RALYL: variants seen among roughly 807,000 people sequenced by gnomAD.
RALYL encodes the protein RALY RNA binding protein like.
In RALYL, 29 loss-of-function variants were observed where a neutral mutation model predicts 35.1. The ratio of observed to expected loss-of-function variants is 0.83; its 90% CI spans 0.61 to 1.13. The LOEUF (loss-of-function observed/expected upper bound fraction) is 1.13. RALYL is among the 50% of genes most tolerant of loss of function. RALYL has a pLI of 0.00. For synonymous variants in RALYL, 120 were observed against 127.6 expected, an observed-to-expected ratio of 0.94 and a Z score of 0.40; for missense variants, 359 against 360.4, an observed-to-expected ratio of 1.00 and a Z score of 0.03.
chr8:84,533,983 G>C (rs368533694), intron 2 of RALYL, among the ~76,000 whole-genome samples: 6 of 152,336 alleles, frequency 3.9e-5, no homozygotes, highest in African/African-American at 1.4e-4. Context: ...CATCCAGAGT[G>C]ATCTTTTCAA....
chr8:84,776,949 A>T (rs1816976074), intron 3 of RALYL, among the ~76,000 whole-genome samples: 1 of 152,236 alleles, frequency 6.6e-6, no homozygotes, highest in African/African-American at 2.4e-5. Flanking sequence ...TGAAATTGCA[A>T]AACAGTAATA....
intron 1 of RALYL, among the ~76,000 whole-genome samples, chr8:84,235,545 G>A (rs1198634479): frequency 6.6e-6 from 1 of 152,174 alleles, no homozygotes; most frequent in Admixed American, 6.5e-5. Context: ...TGTCCTGCAA[G>A]ATTTTGATGT....
intron 5 of RALYL, among the ~76,000 whole-genome samples, chr8:84,856,512 C>T (rs1449449534): frequency 6.6e-6 from 1 of 152,078 alleles, no homozygotes; most frequent in African/African-American, 2.4e-5. Flanking sequence ...CCGTGTGATC[C>T]AAGGAGAAAA....
At position 84,449,077 on chromosome 8, in the gene RALYL, T is replaced by G. The variant is rs1056375370; in HGVS notation, c.-23-80222T>G. Among the ~76,000 whole-genome samples, 98 of 148,032 alleles carry G rather than the reference T, an allele frequency of 6.6e-4. 2 individuals carry two copies. The highest frequency in any genetic ancestry group is 3.7e-3 in the Admixed American group (55 of 14,876). On this transcript the variant is annotated intron_variant, in intron 1 of 8. Coordinates refer to ENST00000521268, the MANE Select transcript of RALYL (RefSeq NM_173848.7). ...GGGCTTTGTTAGCTGTTAGTTTTTT[T>G]GTTTTTTTTTTTTTTTTGCTGGTGT...
At chr8:84,583,124 CT>C (rs1209743215) in intron 2 of RALYL, among the ~76,000 whole-genome samples, 1 of 152,066 alleles carries the variant, frequency 6.6e-6, no homozygotes. Flanking sequence ...ACAACATTTT[CT>C]TTAACTTCTG....
At chr8:84,424,036 G>A (rs1293549167) in intron 1 of RALYL, among the ~76,000 whole-genome samples, 3 of 151,876 alleles carry the variant, frequency 2.0e-5, no homozygotes, top group Admixed American at 2.0e-4. Context: ...TCTTGGAGTT[G>A]CTCTTCTTGA....
intron 1 of RALYL, among the ~76,000 whole-genome samples, chr8:84,369,228 T>C (rs912423241): frequency 3.3e-5 from 5 of 152,152 alleles, no homozygotes; most frequent in African/African-American, 1.2e-4. Context: ...GTGCTCACAC[T>C]GTCCTCTTGA....
intron 1 of RALYL, among the ~76,000 whole-genome samples, chr8:84,328,196 C>T (rs932018485): frequency 6.6e-6 from 1 of 152,202 alleles, no homozygotes; most frequent in Non-Finnish European, 1.5e-5. Context: ...GCCATGACAA[C>T]TACTGAACAA....
At chr8:84,446,512 C>G (rs1269599008) in intron 1 of RALYL, among the ~76,000 whole-genome samples, 1 of 151,998 alleles carries the variant, frequency 6.6e-6, no homozygotes, top group Non-Finnish European at 1.5e-5. Flanking sequence ...CATGGACCAT[C>G]TGTATGGGAT....
intron 1 of RALYL, among the ~76,000 whole-genome samples, chr8:84,497,624 T>TTTGTTG (rs1371081472): frequency 6.7e-6 from 1 of 149,810 alleles, no homozygotes; most frequent in African/African-American, 2.5e-5. Context: ...TTTTGTTTTT[T>TTTGTTG]TTGTTGTTTT....
intron 2 of RALYL, among the ~76,000 whole-genome samples, chr8:84,593,893 G>T (rs1303031072): frequency 1.3e-5 from 2 of 152,120 alleles, no homozygotes; most frequent in African/African-American, 2.4e-5. Flanking sequence ...TATATGCACT[G>T]CCCTTCCTCA....
chr8:84,409,805 AC>A (rs2043925317), intron 1 of RALYL, among the ~76,000 whole-genome samples: 1 of 152,014 alleles, frequency 6.6e-6, no homozygotes, highest in Non-Finnish European at 1.5e-5. Context: ...GCACAAATCC[AC>A]TTTTTCTAAA....
intron 1 of RALYL, among the ~76,000 whole-genome samples, chr8:84,512,055 C>T (rs1339262658): frequency 1.3e-5 from 2 of 152,080 alleles, no homozygotes; most frequent in Non-Finnish European, 2.9e-5. Context: ...TCTATAAATA[C>T]CTACTAGTGA....
intron 2 of RALYL, among the ~76,000 whole-genome samples, chr8:84,767,634 A>G (rs1814434428): frequency 6.6e-6 from 1 of 152,154 alleles, no homozygotes; most frequent in African/African-American, 2.4e-5. Context: ...CCACAGGTAG[A>G]GTTCTCTTAA....
intron 2 of RALYL, among the ~76,000 whole-genome samples, chr8:84,619,395 A>T (rs1393564149): frequency 6.7e-6 from 1 of 148,756 alleles, no homozygotes; most frequent in East Asian, 2.0e-4. Context: ...AGTCTGTTTT[A>T]TCAGAGACTA....
At chr8:84,283,214 T>C (rs1310103256) in intron 1 of RALYL, among the ~76,000 whole-genome samples, 1 of 152,148 alleles carries the variant, frequency 6.6e-6, no homozygotes, top group East Asian at 1.9e-4. Context: ...AAAAGAATTA[T>C]GTGTAAAAGA....
rs902913331 is a variant in RALYL, at chr8:84,633,561, GATA to G, written c.256+103988_256+103990del. 5.9e-5 allele frequency among the ~76,000 whole-genome samples: 9 copies of G among 151,904 alleles called. No homozygotes were observed. In the East Asian group the frequency reaches 1.7e-3, roughly 30 times the overall value. ...AATGTTATTTATTTTTAATTTGAGAGATAATAGTAACAAATCAGACGTGTTTAA... is the reference window on the plus strand; with the variant it reads ...AATGTTATTTATTTTTAATTTGAGAGATAGTAACAAATCAGACGTGTTTAA... On this transcript the variant is annotated intron_variant, in intron 2 of 8. Transcript: ENST00000521268.
chr8:84,859,674 A>G (rs889679004), intron 5 of RALYL, among the ~76,000 whole-genome samples: 27 of 152,082 alleles, frequency 1.8e-4, no homozygotes, highest in Non-Finnish European at 1.5e-5. Flanking sequence ...ATATGGCAAA[A>G]TGCTATCTCT....
At chr8:84,408,656 C>T (rs946065828) in intron 1 of RALYL, among the ~76,000 whole-genome samples, 13 of 152,224 alleles carry the variant, frequency 8.5e-5, no homozygotes, top group Non-Finnish European at 1.5e-4. Flanking sequence ...CAGCTGGGTT[C>T]CTGAATGATT....
Sources: gnomAD v4.1 joint callset for allele counts (sites outside exome capture counted in the v4.1 genomes callset) on GRCh38, gnomAD v4.1.1 for gene constraint, MANE v1.5 for transcripts, NCBI Gene and HGNC (gene_info 2026-07-23, HGNC 2026-07-21) for gene names.